The following AKAP13 variants were observed in gnomAD, a reference collection of about 807,000 sequenced individuals.
AKAP13 encodes A-kinase anchoring protein 13, also known as A-kinase anchor protein 13.
A neutral mutation model predicts 264.5 loss-of-function variants in AKAP13; 80 were observed. The ratio of observed to expected loss-of-function variants is 0.30; its 90% confidence interval spans 0.25 to 0.36. The LOEUF (loss-of-function observed/expected upper bound fraction) is 0.36, where lower values mean the gene tolerates loss of function less well. Among genes scored for constraint, AKAP13 ranks in the 10% least tolerant of loss-of-function variants. The pLI, the probability that AKAP13 is intolerant of heterozygous loss-of-function variation, is 1.00. For missense variants in AKAP13, 3,712 were observed against 3,435.2 expected, an observed-to-expected ratio of 1.08 and a Z score of -2.01; for synonymous variants, 1,380 against 1,250.2, an observed-to-expected ratio of 1.10 and a Z score of -2.19.
At chr15:85,676,960 T>G (rs1266773263) in intron 14 of AKAP13, 1 of 985,382 alleles carries the variant, frequency 1.0e-6, no homozygotes, top group Non-Finnish European at 1.2e-6. Flanking sequence ...ATGTCTTCTG[T>G]GAACCTCCTT....
intron 4 of AKAP13, among the ~76,000 whole-genome samples, chr15:85,542,970 G>C (rs1299341692): frequency 1.3e-5 from 2 of 152,172 alleles, no homozygotes; most frequent in Admixed American, 6.5e-5. Context: ...ATCACGCTTG[G>C]TCACACAGAT....
At chr15:85,670,851 G>C (rs1419991587) in intron 14 of AKAP13, 1 of 152,176 alleles carries the variant, frequency 6.6e-6, no homozygotes, top group African/African-American at 2.4e-5. Context: ...GTTATGTAGA[G>C]ATGTCATGGC....
At chr15:85,693,944 AT>A (rs1178993541) in intron 17 of AKAP13, among the ~76,000 whole-genome samples, 1 of 152,196 alleles carries the variant, frequency 6.6e-6, no homozygotes. Flanking sequence ...ATTTAAATGC[AT>A]TTTTGACTTA....
At chr15:85,676,988 T>TG (rs1251516938) in intron 14 of AKAP13, 2 of 985,394 alleles carry the variant, frequency 2.0e-6, no homozygotes, top group Non-Finnish European at 2.4e-6. Flanking sequence ...CAGCAGCAGA[T>TG]GCGGCCAGCA....
rs755498721 is a variant in AKAP13 at position 85,722,122 on chromosome 15, G to A, written c.6378+6G>A. 2.3e-5 allele frequency: 37 copies of A among 1,613,354 alleles called. No homozygotes were observed. Among genetic ancestry groups the A allele is most frequent in the Non-Finnish European group, 3.1e-5 (37 of 1,179,748 alleles). On this transcript the variant is annotated splice_donor_region_variant and intron_variant, in intron 24 of 36. Coordinates refer to ENST00000394518, the MANE Select transcript of AKAP13 (RefSeq NM_007200.5). ...GTTTTCAAGCCTTTGTAAAGGTATTGATAAGAAACATGAAAATCCCCGTTA... is the reference window on the plus strand; with the variant it reads ...GTTTTCAAGCCTTTGTAAAGGTATTAATAAGAAACATGAAAATCCCCGTTA...
rs779267009 is a variant in AKAP13, at chr15:85,581,880, C to T, written c.3812C>T (p.Thr1271Ile). The T allele has an allele frequency of 8.1e-6, 13 of 1,614,032 alleles. 1 individual carries two copies. The African/African-American group carries it at 1.1e-4, about 13-fold the overall frequency. ...GTCAAGGCCGCTGGAGCACTGCTTA[C>T]TGAGGGGGAGGCCTGTCACATGTCA... is the stretch of plus-strand genomic sequence containing the variant. ...EQVKAAGALL[T>I]EGEACHMSLS... The change falls in exon 7 of 37, where the codon ACT (threonine) becomes ATT (isoleucine). Residue 1271 changes from threonine to isoleucine, a missense_variant. By Grantham distance (89) the Thr-to-Ile change is moderately conservative. Transcript: ENST00000394518.
chr15:85,458,706 T>G (rs1177682868), intron 1 of AKAP13, among the ~76,000 whole-genome samples: 1 of 152,218 alleles, frequency 6.6e-6, no homozygotes, highest in East Asian at 1.9e-4. Flanking sequence ...AGATTTTCCC[T>G]CCTGAAAACT....
chr15:85,582,036 C>T lies in AKAP13; in HGVS notation c.3968C>T (p.Ala1323Val). 2 of 1,613,992 alleles carry T rather than the reference C, an allele frequency of 1.2e-6. No homozygotes were observed. Among genetic ancestry groups the T allele is most frequent in the Non-Finnish European group, 1.7e-6 (2 of 1,179,966 alleles). Reference protein sequence around the residue: ...STPEEATGSLAGCFAGREEPE... With the variant: ...STPEEATGSLVGCFAGREEPE... ...CCTGAGGAAGCCACGGGGAGCCTTG[C>T]AGGATGTTTTGCTGGAAGGGAGGAG... Residue 1323 changes from alanine (A) to valine (V), a missense_variant, in exon 7 of 37, where the codon GCA becomes GTA. Physicochemically the swap from Ala to Val is moderately conservative, Grantham distance 64. Coordinates refer to ENST00000394518, the MANE Select transcript of AKAP13 (RefSeq NM_007200.5).
intron 16 of AKAP13, among the ~76,000 whole-genome samples, chr15:85,691,274 A>T (rs897887343): frequency 1.3e-5 from 2 of 152,142 alleles, no homozygotes; most frequent in South Asian, 4.1e-4. Flanking sequence ...TTTGAAAGGA[A>T]ATTATTTCAT....
rs1304808056 is a variant in AKAP13, at chr15:85,718,180, C to T, written c.6001+21C>T. The T allele has an allele frequency of 1.2e-6, 2 of 1,611,874 alleles. No homozygotes were observed. Among genetic ancestry groups the T allele is most frequent in the African/African-American group, 1.3e-5 (1 of 74,850 alleles). On this transcript the variant is annotated intron_variant, in intron 22 of 36. Transcript: ENST00000394518. The surrounding 1 kb of genome is among the most constrained non-coding windows in gnomAD (Gnocchi z 4.9). ...ATATGGTGAGAGTCTTCATTTTGCT[C>T]TGATTATATTTGATTTCCATTGTCC...
At chr15:85,386,470 A>G (rs1182381525) in intron 1 of AKAP13, among the ~76,000 whole-genome samples, 1 of 151,366 alleles carries the variant, frequency 6.6e-6, no homozygotes, top group Non-Finnish European at 1.5e-5. Flanking sequence ...TTGTATTTTT[A>G]CTAGTGATGG....
At chr15:85,544,160 ATT>A (rs1400835962) in intron 5 of AKAP13, 1 of 703,422 alleles carries the variant, frequency 1.4e-6, no homozygotes, top group African/African-American at 1.8e-5. Context: ...CGTGTTAACC[ATT>A]TTCTCTCTCG....
intron 1 of AKAP13, among the ~76,000 whole-genome samples, chr15:85,384,973 A>G (rs35691335): frequency 0.2 from 30,590 of 151,984 alleles, 3,711 homozygotes; most frequent in Admixed American, 0.32. Context: ...GGGAATGTGG[A>G]TATCAGTGTG....
intron 8 of AKAP13, among the ~76,000 whole-genome samples, chr15:85,593,305 C>CT (rs2079662627): frequency 1.3e-5 from 2 of 152,026 alleles, no homozygotes; most frequent in Admixed American, 6.6e-5. Context: ...GAATGAGACT[C>CT]TATCTCAAAA....
At position 85,664,646 on chromosome 15, in the gene AKAP13, A is replaced by G. The variant is rs115648978; in HGVS notation, c.4883A>G (p.Glu1628Gly). ...CTAGAAGTAAGCTCTGCAAATGCCG[A>G]AGAGCTCAGACACCCATTCAGTGGT... Reference protein sequence around the residue: ...SSLEVSSANAEELRHPFSGEE... With the variant: ...SSLEVSSANAGELRHPFSGEE... Residue 1628 changes from glutamate to glycine, a missense_variant, in exon 13 of 37, where the codon GAA becomes GGA. Around this residue, in one of 3 missense-constraint regions of AKAP13, gnomAD observed 2,759 missense variants for 2,411.7 expected, o/e 1.14. Transcript: ENST00000394518. The G allele has an allele frequency of 9.9e-6, 16 of 1,614,120 alleles. 1 individual carries two copies. In the East Asian group the frequency reaches 3.3e-4, roughly 34 times the overall value.
At chr15:85,444,071 GCTATAATGA>G in intron 1 of AKAP13, among the ~76,000 whole-genome samples, 1 of 152,270 alleles carries the variant, frequency 6.6e-6, no homozygotes, top group South Asian at 2.1e-4. Context: ...AAGGCTTGGG[GCTATAATGA>G]GTACAAAGGG....
chr15:85,706,135 AAGGGTTTG>A (rs913379381), intron 17 of AKAP13, among the ~76,000 whole-genome samples: 18 of 152,106 alleles, frequency 1.2e-4, no homozygotes, highest in African/African-American at 4.3e-4. Context: ...TGTGAAGAGA[AAGGGTTTG>A]AGTGGGGTGG....
chr15:85,743,337 C>T (rs762820084), intron 35 of AKAP13, among the ~76,000 whole-genome samples, 155 bp from the exon 36 acceptor site: 1 of 152,164 alleles, frequency 6.6e-6, no homozygotes, highest in Non-Finnish European at 1.5e-5. Context: ...AACCTTCAAG[C>T]TCTATGCAGT....
intron 8 of AKAP13, among the ~76,000 whole-genome samples, chr15:85,595,146 T>A (rs532285834): frequency 3.7e-4 from 56 of 152,244 alleles, no homozygotes; most frequent in Non-Finnish European, 6.9e-4. Flanking sequence ...GTTGCCCAGG[T>A]TGGAGTGCAG....
Sources: gnomAD v4.1 joint callset for allele counts (sites outside exome capture counted in the v4.1 genomes callset) on GRCh38, gnomAD v4.1.1 for gene constraint, gnomAD v4.1.1 regional missense constraint, Gnocchi (gnomAD v3.1) non-coding constraint, MANE v1.5 for transcripts, NCBI Gene and HGNC (gene_info 2026-07-23, HGNC 2026-07-21) for gene names.